TENM2: variants seen among roughly 807,000 people sequenced by gnomAD.
The protein encoded by TENM2 is teneurin transmembrane protein 2.
Under a neutral mutation model 245.2 loss-of-function variants are expected in TENM2, and 52 were observed. The ratio of observed to expected loss-of-function variants is 0.21; its 90% CI spans 0.17 to 0.27. TENM2 has a LOEUF of 0.27. Among genes scored for constraint, TENM2 ranks in the 10% least tolerant of loss-of-function variants. The pLI is 1.00. For synonymous variants in TENM2, 1,363 were observed against 1,438.9 expected, an observed-to-expected ratio of 0.95 and a Z score of 1.19; for missense variants, 3,046 against 3,666.8, an observed-to-expected ratio of 0.83 and a Z score of 4.37.
chr5:167,073,784 C>T, the TENM2 span, among the ~76,000 whole-genome samples: 1 of 152,142 alleles, frequency 6.6e-6, no homozygotes, highest in South Asian at 2.1e-4. Flanking sequence ...AAAAACTTGG[C>T]CCTCTTGATC....
At chr5:168,150,799 G>C (rs922978586) in intron 12 of TENM2, among the ~76,000 whole-genome samples, 16 of 152,194 alleles carry the variant, frequency 1.1e-4, no homozygotes, top group Non-Finnish European at 1.8e-4. Context: ...CATGGGCTGA[G>C]AGTTGCACAG....
chr5:167,213,761 C>A, the TENM2 span, among the ~76,000 whole-genome samples: 1 of 152,036 alleles, frequency 6.6e-6, no homozygotes, highest in Non-Finnish European at 1.5e-5. Flanking sequence ...GTATATAAAA[C>A]AAATATGTGC....
At chr5:167,801,248 A>T (rs1307559985) in intron 2 of TENM2, among the ~76,000 whole-genome samples, 1 of 149,914 alleles carries the variant, frequency 6.7e-6, no homozygotes, top group Non-Finnish European at 1.5e-5. Context: ...CTGGCTGCTG[A>T]AGGTATAATT....
the TENM2 span, among the ~76,000 whole-genome samples, chr5:167,047,914 G>A: frequency 7.3e-5 from 11 of 151,674 alleles, no homozygotes; most frequent in Admixed American, 6.6e-4. Flanking sequence ...ACTTATCTGT[G>A]CTTCATCACT....
At chr5:167,660,677 A>T (rs1582679710) in intron 2 of TENM2, among the ~76,000 whole-genome samples, 1 of 152,002 alleles carries the variant, frequency 6.6e-6, no homozygotes, top group Admixed American at 6.6e-5. Context: ...GTAACTTATC[A>T]TTTTTTAAAG....
At chr5:167,768,662 G>A (rs1295733271) in intron 2 of TENM2, among the ~76,000 whole-genome samples, 1 of 152,138 alleles carries the variant, frequency 6.6e-6, no homozygotes, top group Non-Finnish European at 1.5e-5. Flanking sequence ...CAAAGCCACT[G>A]ACTGTGTGAC....
intron 4 of TENM2, among the ~76,000 whole-genome samples, chr5:167,971,408 C>T (rs992939539): frequency 5.8e-4 from 88 of 152,040 alleles, no homozygotes; most frequent in African/African-American, 2.1e-3. Context: ...TTGGCCAAAA[C>T]AACTGAGCCC....
intron 12 of TENM2, among the ~76,000 whole-genome samples, chr5:168,155,464 GC>G (rs1757075581): frequency 6.6e-6 from 1 of 151,780 alleles, no homozygotes; most frequent in Admixed American, 6.6e-5. Context: ...AAGAGAAAGG[GC>G]CCCCATGTAG....
chr5:167,231,275 G>T, the TENM2 span, among the ~76,000 whole-genome samples: 2 of 152,200 alleles, frequency 1.3e-5, no homozygotes, highest in African/African-American at 4.8e-5. Context: ...GCAGAGGGTG[G>T]AACAATTTGG....
At chr5:167,990,928 C>T (rs1306796515) in intron 4 of TENM2, among the ~76,000 whole-genome samples, 1 of 152,140 alleles carries the variant, frequency 6.6e-6, no homozygotes, top group Non-Finnish European at 1.5e-5. Context: ...CTGCTAGCCC[C>T]CAGAGGCAAG....
chr5:168,224,099 C>A (rs1273415707), intron 23 of TENM2, among the ~76,000 whole-genome samples: 4 of 152,198 alleles, frequency 2.6e-5, no homozygotes, highest in African/African-American at 9.7e-5. Context: ...CAAGGAACAT[C>A]TAGGTTGTTC....
chr5:167,422,575 A>T (rs1763575434), intron 2 of TENM2, among the ~76,000 whole-genome samples: 1 of 152,298 alleles, frequency 6.6e-6, no homozygotes, highest in Non-Finnish European at 1.5e-5. Flanking sequence ...AATGATTCTT[A>T]TGTTTATTTT....
chr5:168,262,229 A>G (rs2152724977), exon 29 of TENM2: 1 of 1,605,572 alleles, frequency 6.2e-7, no homozygotes, highest in East Asian at 2.2e-5. Context: ...AGGGCGGGTG[A>G]CCACGGGCGT....
At chr5:167,971,143 A>C (rs1308853842) in intron 4 of TENM2, among the ~76,000 whole-genome samples, 1 of 152,058 alleles carries the variant, frequency 6.6e-6, no homozygotes, top group East Asian at 1.9e-4. Context: ...TACCCCAAAT[A>C]GCTAATTCAG....
chr5:167,545,850 A>G (rs533039562), intron 2 of TENM2, among the ~76,000 whole-genome samples: 1 of 152,338 alleles, frequency 6.6e-6, no homozygotes, highest in South Asian at 2.1e-4. Flanking sequence ...AAATTTGACC[A>G]TACGTACAGA....
At chr5:167,830,698 A>G (rs1429640086) in intron 2 of TENM2, among the ~76,000 whole-genome samples, 1 of 152,226 alleles carries the variant, frequency 6.6e-6, no homozygotes, top group Non-Finnish European at 1.5e-5. Flanking sequence ...GTCCTAGAGA[A>G]GCAGTTAAGA....
intron 3 of TENM2, among the ~76,000 whole-genome samples, chr5:167,931,272 A>G (rs1274664939): frequency 2.0e-5 from 3 of 152,224 alleles, no homozygotes; most frequent in Non-Finnish European, 4.4e-5. Context: ...ATCACCCTGA[A>G]TCAGCTTTTC....
chr5:167,920,052 G>A (rs1479093874), intron 3 of TENM2, among the ~76,000 whole-genome samples: 1 of 152,152 alleles, frequency 6.6e-6, no homozygotes, highest in African/African-American at 2.4e-5. Context: ...GGCAGGAAAG[G>A]AGATGGGAAT....
chr5:167,717,772 G>C (rs965903227), intron 2 of TENM2, among the ~76,000 whole-genome samples: 1 of 152,088 alleles, frequency 6.6e-6, no homozygotes, highest in Admixed American at 6.6e-5. Context: ...TCTGCAAAGC[G>C]GGATTGATTA....
Sources: gnomAD v4.1 joint callset for allele counts (sites outside exome capture counted in the v4.1 genomes callset) on GRCh38, gnomAD v4.1.1 for gene constraint, MANE v1.5 for transcripts, NCBI Gene and HGNC (gene_info 2026-07-23, HGNC 2026-07-21) for gene names.